Variants in SGCZ observed in about 807,000 individuals in gnomAD.
SGCZ encodes the protein sarcoglycan zeta.
SGCZ carries 40 observed loss-of-function variants against 41.3 expected under a neutral mutation model. The observed-to-expected ratio is 0.97, with a 90% CI of 0.75 to 1.26. The LOEUF (loss-of-function observed/expected upper bound fraction) is 1.26. Among genes scored for constraint, SGCZ ranks in the 50% most tolerant of loss-of-function variants. The pLI, the probability that SGCZ is intolerant of heterozygous loss-of-function variation, is 0.00. For synonymous variants in SGCZ, 206 were observed against 137.5 expected (o/e 1.50, Z -3.49); for missense variants, 552 against 369.8 (o/e 1.49, Z -4.04).
intron 4 of SGCZ, among the ~76,000 whole-genome samples, chr8:14,228,790 A>G (rs1023611340): frequency 3.9e-5 from 6 of 152,120 alleles, no homozygotes; most frequent in African/African-American, 1.4e-4. Context: ...AACTAAAGTT[A>G]CTGTTACCAA....
chr8:15,048,535 A>C (rs1026496751), intron 1 of SGCZ, among the ~76,000 whole-genome samples: 1 of 152,110 alleles, frequency 6.6e-6, no homozygotes, highest in Non-Finnish European at 1.5e-5. Flanking sequence ...TGGAAATTCC[A>C]ATTATCCTGA....
intron 2 of SGCZ, among the ~76,000 whole-genome samples, chr8:14,510,274 C>T (rs1802430539): frequency 6.6e-6 from 1 of 151,964 alleles, no homozygotes; most frequent in African/African-American, 2.4e-5. Flanking sequence ...AGAAAGTAAA[C>T]TGAAAATGAG....
intron 3 of SGCZ, among the ~76,000 whole-genome samples, chr8:14,283,410 G>A (rs982829563): frequency 2.2e-4 from 33 of 152,172 alleles, no homozygotes; most frequent in African/African-American, 7.9e-4. Context: ...AATATCTAAT[G>A]TTTCTCGTTC....
At chr8:14,180,666 C>G (rs765376953) in intron 4 of SGCZ, among the ~76,000 whole-genome samples, 9 of 152,076 alleles carry the variant, frequency 5.9e-5, no homozygotes, top group Non-Finnish European at 1.2e-4. Flanking sequence ...AAATAAGTCA[C>G]CTACTACCAC....
In SGCZ at chr8:15,185,867, A is replaced by AT. The variant is rs1253200154; in HGVS notation, c.39+51717dup. ...CTTATGAATATTTTAAACACACTGTATTTTTTAGCTTTTCTTTATGTTAAA... is the reference window on the plus strand; with the variant it reads ...CTTATGAATATTTTAAACACACTGTATTTTTTTAGCTTTTCTTTATGTTAAA... On this transcript the variant is annotated intron_variant, in intron 1 of 7. Coordinates refer to ENST00000382080, the MANE Select transcript of SGCZ (RefSeq NM_139167.4). Among the ~76,000 whole-genome samples the AT allele has an allele frequency of 2.6e-5, 4 of 152,056 alleles. No homozygotes were observed. In the East Asian group the frequency reaches 5.8e-4, roughly 22 times the overall value.
intron 3 of SGCZ, among the ~76,000 whole-genome samples, chr8:14,307,962 G>A (rs1801400338): frequency 6.6e-6 from 1 of 152,106 alleles, no homozygotes; most frequent in South Asian, 2.1e-4. Flanking sequence ...CCTTTTAGGG[G>A]GTGAAGACAT....
chr8:14,102,960 A>G (rs12544741), intron 6 of SGCZ, among the ~76,000 whole-genome samples: 27 of 152,184 alleles, frequency 1.8e-4, no homozygotes, highest in African/African-American at 6.3e-4. Context: ...TGTAAACATG[A>G]ATGCTTTAAT....
At chr8:14,846,005 T>A (rs537935334) in intron 1 of SGCZ, among the ~76,000 whole-genome samples, 1 of 152,200 alleles carries the variant, frequency 6.6e-6, no homozygotes, top group African/African-American at 2.4e-5. Context: ...AGCTTAAACA[T>A]GTATACACCC....
chr8:14,579,861 G>A (rs1046068000), intron 1 of SGCZ, among the ~76,000 whole-genome samples: 30 of 152,296 alleles, frequency 2.0e-4, no homozygotes, highest in African/African-American at 6.7e-4. Context: ...TAGATAAAGA[G>A]ACTGAAAAAT....
intron 1 of SGCZ, among the ~76,000 whole-genome samples, chr8:14,640,620 A>G (rs1453033896): frequency 6.6e-6 from 1 of 150,448 alleles, no homozygotes; most frequent in East Asian, 2.0e-4. Context: ...ATATATATAC[A>G]CACATATATG....
intron 1 of SGCZ, among the ~76,000 whole-genome samples, chr8:14,821,375 T>A (rs2130569326): frequency 6.6e-6 from 1 of 152,174 alleles, no homozygotes; most frequent in Non-Finnish European, 1.5e-5. Flanking sequence ...GTTTTACTGC[T>A]AAATTAAACC....
At chr8:14,855,425 T>A (rs767285040) in intron 1 of SGCZ, among the ~76,000 whole-genome samples, 7 of 152,172 alleles carry the variant, frequency 4.6e-5, no homozygotes, top group Non-Finnish European at 4.4e-5. Flanking sequence ...TTCTGATTTA[T>A]GCTTGCTATT....
At chr8:14,229,877 C>T (rs1475344508) in intron 4 of SGCZ, among the ~76,000 whole-genome samples, 2 of 152,030 alleles carry the variant, frequency 1.3e-5, no homozygotes, top group Non-Finnish European at 2.9e-5. Context: ...GGAACAAAAA[C>T]ATGTTTATGC....
rs1308183834 is a variant in SGCZ at position 14,588,386 on chromosome 8, T to C, written c.40-33460A>G. 2.6e-5 allele frequency among the ~76,000 whole-genome samples: 4 copies of C among 152,208 alleles called. No individual in the cohort carries two copies. The South Asian group carries it at 6.2e-4, about 24-fold the overall frequency. On this transcript the variant is annotated intron_variant, in intron 1 of 7. Coordinates refer to ENST00000382080, the MANE Select transcript of SGCZ (RefSeq NM_139167.4). The stretch of plus-strand genomic sequence containing the variant: ...CACCACCAAGAGATTTCAAAATTTA[T>C]GATATAGGTAAACACATCATTTGAA...
At chr8:14,480,295 T>C (rs1471050891) in intron 2 of SGCZ, among the ~76,000 whole-genome samples, 2 of 152,160 alleles carry the variant, frequency 1.3e-5, no homozygotes, top group Non-Finnish European at 2.9e-5. Flanking sequence ...TTCTACTCCT[T>C]TGACATCTAC....
At chr8:14,169,726 A>G (rs1208816517) in intron 4 of SGCZ, among the ~76,000 whole-genome samples, 1 of 152,176 alleles carries the variant, frequency 6.6e-6, no homozygotes, top group Non-Finnish European at 1.5e-5. Context: ...TTCAAGCATA[A>G]GCAGTTGACT....
At chr8:14,338,353 C>T (rs1193626850) in intron 2 of SGCZ, among the ~76,000 whole-genome samples, 1 of 152,144 alleles carries the variant, frequency 6.6e-6, no homozygotes, top group East Asian at 1.9e-4. Context: ...AGAATAAAGC[C>T]ATCTTTCCAA....
intron 4 of SGCZ, among the ~76,000 whole-genome samples, chr8:14,181,714 G>C (rs1028455543): frequency 1.6e-4 from 24 of 152,196 alleles, no homozygotes; most frequent in African/African-American, 5.5e-4. Flanking sequence ...CTGCTGCTAT[G>C]TAATACATCC....
chr8:14,960,103 G>A (rs1800915515), intron 1 of SGCZ, among the ~76,000 whole-genome samples: 1 of 152,122 alleles, frequency 6.6e-6, no homozygotes, highest in African/African-American at 2.4e-5. Context: ...TTTGGAAAAT[G>A]AAAACATAAT....
Sources: gnomAD v4.1 joint callset for allele counts (sites outside exome capture counted in the v4.1 genomes callset) on GRCh38, gnomAD v4.1.1 for gene constraint, MANE v1.5 for transcripts, NCBI Gene and HGNC (gene_info 2026-07-23, HGNC 2026-07-21) for gene names.